Variants in AMOT observed in about 807,000 individuals in gnomAD.
AMOT encodes the protein angiomotin.
In AMOT, 11 loss-of-function variants were observed where a neutral mutation model predicts 67.0. The observed-to-expected ratio is 0.16, with a 90% CI of 0.10 to 0.27. The LOEUF is 0.27. AMOT is among the 10% of genes least tolerant of loss of function. The probability of loss-of-function intolerance (pLI) is 1.00; values close to 1 mark genes in which losing one functional copy is unlikely to be tolerated. For synonymous variants in AMOT, 326 were observed against 321.4 expected, an observed-to-expected ratio of 1.01 and a Z score of -0.15; for missense variants, 753 against 852.0, an observed-to-expected ratio of 0.88 and a Z score of 1.45.
intron 4 of AMOT, among the ~76,000 whole-genome samples, chrX:112,820,169 G>A (rs1457653534): frequency 1.8e-5 from 2 of 111,748 alleles, no homozygotes; most frequent in Admixed American, 9.5e-5. Flanking sequence ...TTTTAGGTTT[G>A]CTTATTCATC....
chrX:112,816,005 G>T, intron 4 of AMOT, 128 bp from the exon 5 acceptor site: 2 of 969,935 alleles, frequency 2.1e-6, no homozygotes, highest in Non-Finnish European at 2.7e-6. Context: ...GAGCAGGCAG[G>T]GTCTGACTAT....
In AMOT at chrX:112,822,873, A is replaced by G; in HGVS notation, c.254T>C (p.Ile85Thr). The change falls in exon 4 of 14, where the codon ATC becomes ACC. Residue 85 changes from isoleucine to threonine, a missense_variant. Transcript: ENST00000371959. ...AARQEPQGQE[I>T]QSENLIMEKQ... is the part of the protein sequence containing the mutation. ...CTCCATGATGAGGTTTTCTGACTGG[A>G]TTTCCTGCCCCTGGGGTTCTTGTCG... 1 of 1,167,243 alleles carries G rather than the reference A, an allele frequency of 8.6e-7. No homozygotes were observed. The highest frequency in any genetic ancestry group is 1.1e-6 in the Non-Finnish European group (1 of 872,995).
intron 5 of AMOT, among the ~76,000 whole-genome samples, chrX:112,812,697 A>T (rs1226240809): frequency 8.9e-6 from 1 of 112,186 alleles, no homozygotes; most frequent in Non-Finnish European, 1.9e-5. Context: ...CTCTGCAACC[A>T]TTCTGCATTG....
rs1602827430 is a variant in AMOT at position 112,822,421 on chromosome X, G to T, written c.706C>A (p.Arg236=). The change falls in exon 4 of 14, where the codon CGA becomes AGA. Residue 236 remains arginine (R), a synonymous_variant. Coordinates refer to ENST00000371959, the MANE Select transcript of AMOT (RefSeq NM_001113490.2). The part of the protein sequence containing the change: ...NQHSLKGMEH[R]GPPPEYPFKG... ...AAGGGATATTCTGGTGGGGGGCCTC[G>T]GTGTTCCATGCCCTTCAGGCTATGC... is the stretch of plus-strand genomic sequence containing the variant. 5 of 1,167,823 alleles carry T rather than the reference G, an allele frequency of 4.3e-6. No homozygotes were observed. In the East Asian group the frequency reaches 1.6e-4, roughly 38 times the overall value.
chrX:112,794,654 C>T (rs1465355577), intron 8 of AMOT, among the ~76,000 whole-genome samples: 1 of 112,107 alleles, frequency 8.9e-6, no homozygotes, highest in Admixed American at 9.4e-5. Flanking sequence ...AAGACCTATA[C>T]GCTTTATTAA....
intron 8 of AMOT, among the ~76,000 whole-genome samples, chrX:112,797,430 A>G (rs1346297856): frequency 9.0e-6 from 1 of 111,473 alleles, no homozygotes; most frequent in Non-Finnish European, 1.9e-5. Flanking sequence ...ACACCCACCC[A>G]TGAGTCCATC....
At chrX:112,795,589 G>A (rs960772157) in intron 8 of AMOT, among the ~76,000 whole-genome samples, 2 of 110,804 alleles carry the variant, frequency 1.8e-5, no homozygotes, top group Non-Finnish European at 3.8e-5. Flanking sequence ...GAAACTGCAT[G>A]GCCCACAAAC....
rs781695825 is a variant in AMOT at position 112,822,764 on chromosome X, G to T, written c.363C>A (p.Gly121=). The T allele has an allele frequency of 1.4e-4, 162 of 1,164,979 alleles. 1 individual carries two copies. The African/African-American group carries it at 2.4e-3, about 17-fold the overall frequency. ...EAKVQSQYFR[G]QQHASVGAAF... ...CAGCTCCAACACTGGCATGCTGTTG[G>T]CCCCGAAAGTACTGGGACTGGACCT... The change falls in exon 4 of 14, where the codon GGC becomes GGA. Residue 121 remains glycine, a synonymous_variant. Coordinates refer to ENST00000371959, the MANE Select transcript of AMOT (RefSeq NM_001113490.2).
At chrX:112,787,145 C>T (rs914353078) in intron 10 of AMOT, among the ~76,000 whole-genome samples, 2 of 112,045 alleles carry the variant, frequency 1.8e-5, no homozygotes, top group Non-Finnish European at 3.8e-5. Flanking sequence ...TTCCCTTTGA[C>T]AAGAGGTGTA....
At chrX:112,828,855 C>G (rs1341456149) in intron 2 of AMOT, among the ~76,000 whole-genome samples, 1 of 112,597 alleles carries the variant, frequency 8.9e-6, no homozygotes, top group African/African-American at 3.2e-5. Flanking sequence ...TTTTAAAAGA[C>G]TATAAACCTG....
At chrX:112,794,127 G>C (rs900250896) in intron 8 of AMOT, among the ~76,000 whole-genome samples, 1 of 112,170 alleles carries the variant, frequency 8.9e-6, no homozygotes, top group African/African-American at 3.2e-5. Context: ...ATAGCATGCA[G>C]TTCTTGCCTT....
intron 1 of AMOT, among the ~76,000 whole-genome samples, chrX:112,834,352 A>T (rs1448472916): frequency 9.0e-6 from 1 of 111,681 alleles, no homozygotes; most frequent in Non-Finnish European, 1.9e-5. Flanking sequence ...TCGTTTGTCC[A>T]TATCAAAAAG....
At chrX:112,785,476 G>A (rs1246315324) in intron 10 of AMOT, among the ~76,000 whole-genome samples, 1 of 112,012 alleles carries the variant, frequency 8.9e-6, no homozygotes, top group Non-Finnish European at 1.9e-5. Flanking sequence ...GGCTGGAGAG[G>A]GGAAAGGCAT....
chrX:112,817,419 C>T (rs1429570409), intron 4 of AMOT, among the ~76,000 whole-genome samples: 1 of 112,195 alleles, frequency 8.9e-6, no homozygotes, highest in African/African-American at 3.2e-5. Flanking sequence ...TGGGACAAAT[C>T]ACCAGGAGCA....
chrX:112,810,658 C>T (rs1267169196), intron 6 of AMOT, among the ~76,000 whole-genome samples: 5 of 107,693 alleles, frequency 4.6e-5, no homozygotes, highest in Non-Finnish European at 7.7e-5. Context: ...TGCAGTGAGC[C>T]GAGATTATGC....
intron 4 of AMOT, among the ~76,000 whole-genome samples, chrX:112,818,281 TC>T (rs928001433): frequency 2.7e-5 from 3 of 110,748 alleles, no homozygotes; most frequent in African/African-American, 9.9e-5. Flanking sequence ...GCCACTGGCC[TC>T]CCTCCTGCCT....
At chrX:112,811,979 A>G (rs1934380408) in intron 5 of AMOT, among the ~76,000 whole-genome samples, 1 of 112,335 alleles carries the variant, frequency 8.9e-6, no homozygotes, top group South Asian at 3.7e-4. Context: ...AACTCTTTAA[A>G]GTACTATTGG....
At position 112,791,924 on chromosome X, in the gene AMOT, G is replaced by C; in HGVS notation, c.1834C>G (p.Gln612Glu). The C allele has an allele frequency of 1.7e-6, 2 of 1,211,807 alleles. No homozygotes were observed. The highest frequency in any genetic ancestry group is 2.2e-6 in the Non-Finnish European group (2 of 895,428). ...KVEKMQQALV[Q>E]LQAACEKREQ... ...CGTTTTTCACATGCTGCCTGGAGCT[G>C]TACAAGGGCCTGCTGCATCTTCTCC... Residue 612 changes from glutamine (Q) to glutamate (E), a missense_variant, in exon 9 of 14, where the codon CAG becomes GAG. Transcript: ENST00000371959.
intron 12 of AMOT, chrX:112,780,549 T>C (rs1337962434): frequency 1.8e-5 from 5 of 285,132 alleles, no homozygotes; most frequent in Non-Finnish European, 6.2e-6. Context: ...AAAGGCCACA[T>C]GGGCTTTGGA....
Sources: allele counts gnomAD v4.1 joint callset (sites outside exome capture counted in the v4.1 genomes callset), GRCh38; gene constraint gnomAD v4.1.1; transcripts MANE v1.5; gene names NCBI Gene and HGNC (gene_info 2026-07-23, HGNC 2026-07-21).